The following FNIP2 variants were observed in gnomAD, a reference collection of about 807,000 sequenced individuals.
FNIP2 encodes folliculin interacting protein 2.
In FNIP2, 32 loss-of-function variants were observed where a neutral mutation model predicts 108.7. The ratio of observed to expected loss-of-function variants is 0.29; its 90% CI spans 0.22 to 0.40. FNIP2 has a LOEUF of 0.40. FNIP2 is among the 10% of genes least tolerant of loss of function. The pLI is 1.00. For missense variants in FNIP2, 1,202 were observed against 1,381.6 expected (o/e 0.87, Z 2.06); for synonymous variants, 480 against 496.7 (o/e 0.97, Z 0.45).
chr4:158,773,740 C>T (rs1775771226), intron 1 of FNIP2, among the ~76,000 whole-genome samples: 1 of 152,052 alleles, frequency 6.6e-6, no homozygotes, highest in Non-Finnish European at 1.5e-5. Flanking sequence ...GTTTTTTAAC[C>T]TTGATGTAGT....
At chr4:158,805,475 A>G (rs1342307978) in intron 1 of FNIP2, among the ~76,000 whole-genome samples, 2 of 152,190 alleles carry the variant, frequency 1.3e-5, no homozygotes, top group Admixed American at 6.5e-5. Flanking sequence ...TCATTTGAAT[A>G]TGCCTAGGAA....
At chr4:158,865,941 A>G (rs1780550434) in intron 12 of FNIP2, among the ~76,000 whole-genome samples, 1 of 152,040 alleles carries the variant, frequency 6.6e-6, no homozygotes, top group South Asian at 2.1e-4. Context: ...GAATGTTCTT[A>G]GGAACCGTAC....
chr4:158,883,174 T>C (rs556430991), intron 14 of FNIP2, among the ~76,000 whole-genome samples: 1 of 151,928 alleles, frequency 6.6e-6, no homozygotes, highest in Non-Finnish European at 1.5e-5. Context: ...GAGAAAAACA[T>C]AGAGAGAAGT....
At position 158,868,785 on chromosome 4, in the gene FNIP2, G is replaced by A. The variant is rs1371063306; in HGVS notation, c.2149G>A (p.Val717Ile). 18 of 1,613,780 alleles carry A rather than the reference G, an allele frequency of 1.1e-5. No individual in the cohort carries two copies. The highest frequency in any genetic ancestry group is 1.4e-5 in the Non-Finnish European group (17 of 1,179,890). ...CCGGGAGAAACCTTCCTTAGAAAAGGTCACTTTCCAGATTGGAAGCTTTGC... is the reference window on the plus strand; with the variant it reads ...CCGGGAGAAACCTTCCTTAGAAAAGATCACTTTCCAGATTGGAAGCTTTGC... ...HLREKPSLEK[V>I]TFQIGSFASP... Residue 717 changes from valine (V) to isoleucine (I), a missense_variant, in exon 13 of 17, where the codon GTC becomes ATC. This residue lies in a region of FNIP2 where 878 missense variants were observed against 990.3 expected (regional missense o/e 0.89). Coordinates refer to ENST00000264433, the MANE Select transcript of FNIP2 (RefSeq NM_020840.3). The surrounding 1 kb of genome is among the most constrained non-coding windows in gnomAD (Gnocchi z 4.6).
At chr4:158,885,076 A>C (rs551692747) in intron 14 of FNIP2, among the ~76,000 whole-genome samples, 32 of 152,026 alleles carry the variant, frequency 2.1e-4, no homozygotes, top group African/African-American at 7.0e-4. Flanking sequence ...GAATCACTTG[A>C]GCCTGGGAAG....
chr4:158,857,236 A>C (rs1465484180), intron 8 of FNIP2, among the ~76,000 whole-genome samples: 2 of 152,244 alleles, frequency 1.3e-5, no homozygotes, highest in Admixed American at 6.5e-5. Context: ...AAGAAGGGAA[A>C]TGTAAGATGA....
At chr4:158,791,562 A>G (rs529176051) in intron 1 of FNIP2, among the ~76,000 whole-genome samples, 1 of 152,202 alleles carries the variant, frequency 6.6e-6, no homozygotes, top group Non-Finnish European at 1.5e-5. Flanking sequence ...GATTACAGGC[A>G]TGAGCCACTG....
chr4:158,872,703 T>G (rs1213994701), intron 14 of FNIP2: 1 of 985,118 alleles, frequency 1.0e-6, no homozygotes, highest in African/African-American at 1.7e-5. Context: ...AGTAGTGTTC[T>G]GTTTAAACTG....
At position 158,832,060 on chromosome 4, in the gene FNIP2, T is replaced by G; in HGVS notation, c.483-7T>G. 6.2e-7 allele frequency: 1 copy of G among 1,613,214 alleles called. No individual in the cohort carries two copies. The highest frequency in any genetic ancestry group is 8.5e-7 in the Non-Finnish European group (1 of 1,179,360). On this transcript the variant is annotated splice_polypyrimidine_tract_variant and splice_region_variant and intron_variant, in intron 4 of 16. Transcript: ENST00000264433. ...ATTTTTCCCCTCTCCTTTTTTCCCC[T>G]CCACAGTTCTCCTCCACAACTGATG...
At chr4:158,901,223 C>T (rs1267353107) in intron 16 of FNIP2, among the ~76,000 whole-genome samples, 2 of 151,552 alleles carry the variant, frequency 1.3e-5, no homozygotes, top group Non-Finnish European at 2.9e-5. Flanking sequence ...ACCTCCGCCC[C>T]TCCAGGTTTA....
At chr4:158,771,491 G>T (rs1473346388) in intron 1 of FNIP2, among the ~76,000 whole-genome samples, 1 of 152,178 alleles carries the variant, frequency 6.6e-6, no homozygotes, top group Non-Finnish European at 1.5e-5. Context: ...ATAGGAGTTG[G>T]TATGTACTTT....
chr4:158,883,131 A>C (rs1781787293), intron 14 of FNIP2, among the ~76,000 whole-genome samples: 2 of 152,240 alleles, frequency 1.3e-5, no homozygotes, highest in African/African-American at 4.8e-5. Flanking sequence ...ATGAAGCCAA[A>C]GAATCATGTG....
At chr4:158,853,605 C>CT (rs1779820912) in intron 8 of FNIP2, among the ~76,000 whole-genome samples, 1 of 152,170 alleles carries the variant, frequency 6.6e-6, no homozygotes, top group Admixed American at 6.5e-5. Context: ...CAGTGCCCAC[C>CT]TATGAGTGAG....
chr4:158,850,101 A>C (rs1173184403), intron 7 of FNIP2, among the ~76,000 whole-genome samples: 1 of 152,228 alleles, frequency 6.6e-6, no homozygotes, highest in Non-Finnish European at 1.5e-5. Context: ...TTAAGAGCTC[A>C]GGTCGGGAAG....
At chr4:158,819,533 C>T (rs2126539241) in intron 1 of FNIP2, among the ~76,000 whole-genome samples, 1 of 152,312 alleles carries the variant, frequency 6.6e-6, no homozygotes, top group East Asian at 1.9e-4. Flanking sequence ...TGAAATTGCT[C>T]CAGGCAATTC....
chr4:158,856,035 C>T (rs2126665225), intron 8 of FNIP2, among the ~76,000 whole-genome samples: 1 of 152,246 alleles, frequency 6.6e-6, no homozygotes, highest in South Asian at 2.1e-4. Flanking sequence ...ACAGTTGGCT[C>T]CACGCTGACC....
chr4:158,793,129 C>T (rs1474535208), intron 1 of FNIP2, among the ~76,000 whole-genome samples: 1 of 152,102 alleles, frequency 6.6e-6, no homozygotes, highest in Non-Finnish European at 1.5e-5. Context: ...TTGGATAGAC[C>T]ATTCATGGGA....
chr4:158,817,639 C>T (rs762235849), intron 1 of FNIP2, among the ~76,000 whole-genome samples: 18 of 152,178 alleles, frequency 1.2e-4, no homozygotes, highest in African/African-American at 3.6e-4. Context: ...CTCCGCCTCC[C>T]GGGTTTAAGC....
At chr4:158,808,657 A>G (rs1393413767) in intron 1 of FNIP2, 18 of 152,180 alleles carry the variant, frequency 1.2e-4, no homozygotes, top group Admixed American at 1.2e-3. Flanking sequence ...GCACTGAAGG[A>G]CCTGGCTCCA....
Sources: allele counts gnomAD v4.1 joint callset (sites outside exome capture counted in the v4.1 genomes callset), GRCh38; gene constraint gnomAD v4.1.1; regional missense constraint gnomAD v4.1.1; non-coding constraint Gnocchi (gnomAD v3.1); transcripts MANE v1.5; gene names NCBI Gene and HGNC (gene_info 2026-07-23, HGNC 2026-07-21).